The following FMO4 variants were observed in gnomAD, a reference collection of about 807,000 sequenced individuals.
The protein encoded by FMO4 is flavin containing dimethylaniline monoxygenase 4.
A neutral mutation model predicts 43.3 loss-of-function variants in FMO4; 38 were observed. The ratio of observed to expected loss-of-function variants is 0.88; its 90% CI spans 0.68 to 1.15. FMO4 has a LOEUF of 1.15. Among genes scored for constraint, FMO4 ranks in the 50% most tolerant of loss-of-function variants. FMO4 has a pLI of 0.00. For synonymous variants in FMO4, 224 were observed against 232.2 expected (o/e 0.96, Z 0.32); for missense variants, 631 against 663.3 (o/e 0.95, Z 0.54).
chr1:171,334,954 G>C (rs1388779051), intron 8 of FMO4, among the ~76,000 whole-genome samples, 191 bp downstream of exon 8: 2 of 152,192 alleles, frequency 1.3e-5, no homozygotes, highest in African/African-American at 4.8e-5. Context: ...AGAGATTTTG[G>C]CTCTGTGGAT....
At chr1:171,320,015 C>T (rs1191771116) in intron 3 of FMO4, 58 bp downstream of exon 3, 25 of 1,597,360 alleles carry the variant, frequency 1.6e-5, no homozygotes, top group Non-Finnish European at 2.1e-5. Flanking sequence ...TCTGCTCAGA[C>T]ATGGTGGCTT....
At chr1:171,326,071 C>T (rs565360179) in intron 5 of FMO4, among the ~76,000 whole-genome samples, 1 of 151,912 alleles carries the variant, frequency 6.6e-6, no homozygotes, top group East Asian at 1.9e-4. Context: ...TGGTTTCAAA[C>T]TCCTGGGCTC....
chr1:171,341,197 T>C (rs1303438203), intron 9 of FMO4, among the ~76,000 whole-genome samples: 1 of 152,212 alleles, frequency 6.6e-6, no homozygotes, highest in Non-Finnish European at 1.5e-5. Context: ...TTGCCTCCTT[T>C]TACCATCTCT....
chr1:171,330,102 TG>T (rs541302792), intron 5 of FMO4, among the ~76,000 whole-genome samples: 1 of 152,328 alleles, frequency 6.6e-6, no homozygotes, highest in South Asian at 2.1e-4. Context: ...TGTTACCAAG[TG>T]AATGAATGAA....
chr1:171,320,551 A>C (rs941895320), intron 3 of FMO4, among the ~76,000 whole-genome samples: 1 of 152,230 alleles, frequency 6.6e-6, no homozygotes, highest in Non-Finnish European at 1.5e-5. Flanking sequence ...GGTCCAGGCC[A>C]CCTGTTAGGT....
Position 171,323,102 on chromosome 1 carries a change from T to C in FMO4, c.231T>C (p.Asp77=). ...ACAGTGACTTCCCTTTCCACGAAGA[T>C]TATCCTAATTTCATGAACCATGAAA... The part of the protein sequence containing the change: ...SCYSDFPFHE[D]YPNFMNHEKF... The change falls in exon 4 of 10, where the codon GAT becomes GAC. Residue 77 remains aspartate (D), a synonymous_variant. Transcript: ENST00000367749. 2 of 1,613,420 alleles carry C rather than the reference T, an allele frequency of 1.2e-6. No homozygotes were observed. Among genetic ancestry groups the C allele is most frequent in the Non-Finnish European group, 1.7e-6 (2 of 1,179,438 alleles).
intron 2 of FMO4, among the ~76,000 whole-genome samples, chr1:171,316,847 A>G (rs1003084549): frequency 6.6e-6 from 1 of 152,202 alleles, no homozygotes; most frequent in Non-Finnish European, 1.5e-5. Flanking sequence ...AATCTGCCTT[A>G]GGGTCAGGTA....
In FMO4 at chr1:171,319,935, T is replaced by C. The variant is rs72549338; in HGVS notation, c.110T>C (p.Ile37Thr). The change falls in exon 3 of 10, where the codon ATT becomes ACT. Residue 37 changes from isoleucine to threonine, a missense_variant. Physicochemically the swap from Ile to Thr is moderately conservative, Grantham distance 89. Transcript: ENST00000367749. ...ACCTGCTTTGAGAGAAGTGATGACATTGGGGGATTATGGAAGTTTACTGTA... is the reference window on the plus strand; with the variant it reads ...ACCTGCTTTGAGAGAAGTGATGACACTGGGGGATTATGGAAGTTTACTGTA... ...EPTCFERSDD[I>T]GGLWKFTESS... The C allele has an allele frequency of 2.1e-5, 34 of 1,613,568 alleles. No individual in the cohort carries two copies. In the African/African-American group the frequency reaches 2.7e-4, roughly 13 times the overall value.
chr1:171,319,565 AT>A, intron 2 of FMO4, among the ~76,000 whole-genome samples: 1 of 152,126 alleles, frequency 6.6e-6, no homozygotes, highest in Non-Finnish European at 1.5e-5. Context: ...TACCATTCAC[AT>A]TTTACAGGTG....
chr1:171,324,049 C>A, intron 4 of FMO4, 89 bp from the exon 5 acceptor site: 2 of 1,260,264 alleles, frequency 1.6e-6, no homozygotes, highest in Non-Finnish European at 2.1e-6. Flanking sequence ...ACTTGGCCTA[C>A]TAAAAGTAAC....
At chr1:171,319,762 G>A in intron 2 of FMO4, 56 bp from the exon 3 acceptor site, 1 of 1,539,616 alleles carries the variant, frequency 6.5e-7, no homozygotes, top group Non-Finnish European at 8.9e-7. Flanking sequence ...CTTTTGACAA[G>A]GGCTCCCTTC....
chr1:171,323,087 C>T lies in FMO4; in HGVS notation c.216C>T (p.Phe72=). ...AGGAAATGTCATGTTACAGTGACTT[C>T]CCTTTCCACGAAGATTATCCTAATT... The part of the protein sequence containing the change: ...VCKEMSCYSD[F]PFHEDYPNFM... The change falls in exon 4 of 10, where the codon TTC becomes TTT. Residue 72 remains phenylalanine (F), a synonymous_variant. Transcript: ENST00000367749. 6.2e-7 allele frequency: 1 copy of T among 1,612,288 alleles called. No individual in the cohort carries two copies. Among genetic ancestry groups the T allele is most frequent in the Non-Finnish European group, 8.5e-7 (1 of 1,178,420 alleles).
At chr1:171,333,508 G>A (rs900419801) in intron 7 of FMO4, among the ~76,000 whole-genome samples, 1 of 152,102 alleles carries the variant, frequency 6.6e-6, no homozygotes, top group African/African-American at 2.4e-5. Flanking sequence ...ATAGGAATGA[G>A]CCACTCCACT....
chr1:171,323,235 GC>G (rs1307619129), intron 4 of FMO4, 43 bp downstream of exon 4: 2 of 1,268,868 alleles, frequency 1.6e-6, no homozygotes, highest in African/African-American at 1.5e-5. Flanking sequence ...ATGGGGGCTG[GC>G]CTATTCAGCA....
At position 171,341,689 on chromosome 1, in the gene FMO4, C is replaced by T; in HGVS notation, c.1527C>T (p.Ala509=). 6.2e-7 allele frequency: 1 copy of T among 1,613,942 alleles called. No homozygotes were observed. The highest frequency in any genetic ancestry group is 8.5e-7 in the Non-Finnish European group (1 of 1,179,978). Reference sequence around the variant, plus strand: ...TTGTCCCTGATTCCTCCAAGCCTGCCTCCATGTCACATTATTTAAAAGCCT... The same window carrying T: ...TTGTCCCTGATTCCTCCAAGCCTGCTTCCATGTCACATTATTTAAAAGCCT... ...TRIVPDSSKP[A]SMSHYLKAWG... is the part of the protein sequence containing the mutation. Residue 509 remains alanine (A), a synonymous_variant, in exon 10 of 10, where the codon GCC becomes GCT. Coordinates refer to ENST00000367749, the MANE Select transcript of FMO4 (RefSeq NM_002022.3).
In FMO4 at chr1:171,339,172, T is replaced by TA. The variant is rs555148510; in HGVS notation, c.1250+1754dup. On this transcript the variant is annotated intron_variant, in intron 9 of 9. Coordinates refer to ENST00000367749, the MANE Select transcript of FMO4 (RefSeq NM_002022.3). ...CTTCTCAACTCACAATTCACACCAA[T>TA]AAAAAAATTTAGGTACATATGATGC... 8.5e-4 allele frequency among the ~76,000 whole-genome samples: 129 copies of TA among 152,248 alleles called. 1 individual carries two copies. Among genetic ancestry groups the TA allele is most frequent in the African/African-American group, 2.5e-3 (104 of 41,558 alleles).
chr1:171,332,798 C>T lies in FMO4; in HGVS notation c.717C>T (p.Cys239=). Residue 239 remains cysteine (C), a synonymous_variant, in exon 7 of 10, where the codon TGC becomes TGT. Transcript: ENST00000367749. ...YPYNMMVTRR[C]CSFIAQVLPS... is the part of the protein sequence containing the mutation. Reference sequence around the variant, plus strand: ...ATAATATGATGGTTACAAGAAGATGCTGTAGTTTTATTGCACAAGTTCTGC... The same window carrying T: ...ATAATATGATGGTTACAAGAAGATGTTGTAGTTTTATTGCACAAGTTCTGC... 1 of 1,613,190 alleles carries T rather than the reference C, an allele frequency of 6.2e-7. No homozygotes were observed. Among genetic ancestry groups the T allele is most frequent in the Non-Finnish European group, 8.5e-7 (1 of 1,179,316 alleles).
In FMO4 at chr1:171,323,195, A is replaced by G. The variant is rs1472143735; in HGVS notation, c.321+3A>G. 6.2e-7 allele frequency: 1 copy of G among 1,606,538 alleles called. No individual in the cohort carries two copies. Among genetic ancestry groups the G allele is most frequent in the South Asian group, 1.1e-5 (1 of 90,610 alleles). On this transcript the variant is annotated splice_donor_region_variant and intron_variant, in intron 4 of 9. Transcript: ENST00000367749. ...TCCTGAAATACATTCAGTTTAAGGTAAGATACTTTGGGTTATGGAAGATGA... is the reference window on the plus strand; with the variant it reads ...TCCTGAAATACATTCAGTTTAAGGTGAGATACTTTGGGTTATGGAAGATGA...
At chr1:171,321,316 A>G (rs946932859) in intron 3 of FMO4, among the ~76,000 whole-genome samples, 21 of 152,186 alleles carry the variant, frequency 1.4e-4, no homozygotes, top group Admixed American at 1.1e-3. Flanking sequence ...TCTCAGTCAT[A>G]TATATACAGT....
Sources: gnomAD v4.1 joint callset for allele counts (sites outside exome capture counted in the v4.1 genomes callset) on GRCh38, gnomAD v4.1.1 for gene constraint, MANE v1.5 for transcripts, NCBI Gene and HGNC (gene_info 2026-07-23, HGNC 2026-07-21) for gene names.